The following GRAMD2B variants were observed in gnomAD, a reference collection of about 807,000 sequenced individuals.
GRAMD2B encodes GRAM domain containing 2B.
GRAMD2B carries 41 observed loss-of-function variants against 59.2 expected under a neutral mutation model. The observed-to-expected ratio is 0.69, with a 90% CI of 0.54 to 0.90. The LOEUF (loss-of-function observed/expected upper bound fraction) is 0.90. GRAMD2B is among the 40% of genes least tolerant of loss of function. The pLI, the probability that GRAMD2B is intolerant of heterozygous loss-of-function variation, is 0.00. For synonymous variants in GRAMD2B, 161 were observed against 182.7 expected (o/e 0.88, Z 0.96); for missense variants, 424 against 500.5 (o/e 0.85, Z 1.46).
chr5:126,461,404 T>C (rs933377110), intron 1 of GRAMD2B, among the ~76,000 whole-genome samples: 24 of 152,244 alleles, frequency 1.6e-4, no homozygotes, highest in African/African-American at 5.8e-4. Flanking sequence ...AAATATTAGA[T>C]GGCTGATAGG....
At chr5:126,466,352 TC>T (rs1247232147) in intron 2 of GRAMD2B, 2 of 1,121,076 alleles carry the variant, frequency 1.8e-6, no homozygotes, top group Non-Finnish European at 2.7e-6. Flanking sequence ...TCTTAACTCC[TC>T]CCGAAATTTT....
chr5:126,403,569 T>C (rs13186142), intron 1 of GRAMD2B, among the ~76,000 whole-genome samples: 106,201 of 151,704 alleles, frequency 0.7, 38,713 homozygotes, highest in Non-Finnish European at 0.8. Flanking sequence ...AACCATCCTT[T>C]ACAAAGTTTA....
chr5:126,419,879 A>G (rs923371933), upstream of GRAMD2B, among the ~76,000 whole-genome samples: 22 of 151,728 alleles, frequency 1.4e-4, no homozygotes, highest in Non-Finnish European at 3.1e-4. Flanking sequence ...ATATGGTGAA[A>G]CCCCGTCTCC....
chr5:126,391,761 G>A (rs888468701), intron 1 of GRAMD2B, among the ~76,000 whole-genome samples: 2 of 152,168 alleles, frequency 1.3e-5, no homozygotes, highest in African/African-American at 4.8e-5. Context: ...GGAATGATGG[G>A]GATTGATTAC....
intron 11 of GRAMD2B, 71 bp from the exon 12 acceptor site, chr5:126,486,802 A>C: frequency 1.1e-6 from 1 of 892,712 alleles, no homozygotes. Flanking sequence ...CCACATTGGC[A>C]CTGAGTTGTT....
intron 8 of GRAMD2B, 157 bp downstream of exon 8, chr5:126,480,864 G>A: frequency 1.7e-5 from 11 of 636,280 alleles, no homozygotes. Context: ...TGAAGAAGAG[G>A]AAACCATAGT....
chr5:126,372,618 A>G (rs1186974852), intron 1 of GRAMD2B, among the ~76,000 whole-genome samples: 2 of 152,176 alleles, frequency 1.3e-5, no homozygotes, highest in Non-Finnish European at 2.9e-5. Flanking sequence ...TTTGTAATAT[A>G]TCTATTTTCA....
At chr5:126,360,146 G>A (rs1279529465) in exon 1 of GRAMD2B, 42 of 593,132 alleles carry the variant, frequency 7.1e-5, no homozygotes, top group Non-Finnish European at 7.8e-5. Flanking sequence ...ACACATGTGG[G>A]TTTCAAGTGC....
chr5:126,394,249 C>T (rs28411948), intron 1 of GRAMD2B, among the ~76,000 whole-genome samples: 125,447 of 150,432 alleles, frequency 0.83, 52,473 homozygotes, highest in Non-Finnish European at 0.87. Flanking sequence ...CAGTCCAGCC[C>T]GGACGACACA....
intron 1 of GRAMD2B, among the ~76,000 whole-genome samples, chr5:126,361,500 A>C (rs1754221477): frequency 6.6e-6 from 1 of 151,938 alleles, no homozygotes. Context: ...AAAAAAAAAA[A>C]AAAAAAAAAT....
At chr5:126,368,790 A>T (rs1754587763), upstream of GRAMD2B, among the ~76,000 whole-genome samples, 1 of 152,216 alleles carries the variant, frequency 6.6e-6, no homozygotes, top group Admixed American at 6.5e-5. Flanking sequence ...ATCTTACATA[A>T]GAGTTCAGCC....
At chr5:126,491,710 T>C (rs1773969248) in intron 13 of GRAMD2B, among the ~76,000 whole-genome samples, 1 of 152,162 alleles carries the variant, frequency 6.6e-6, no homozygotes, top group Admixed American at 6.5e-5. Flanking sequence ...GAGAATTCCT[T>C]GCTCTGAATT....
intron 1 of GRAMD2B, among the ~76,000 whole-genome samples, chr5:126,443,189 AG>A (rs1013802032): frequency 2.6e-5 from 4 of 152,154 alleles, no homozygotes; most frequent in African/African-American, 9.7e-5. Context: ...GGTGGGTATA[AG>A]ATTTAAGTTT....
At chr5:126,401,234 C>G (rs958533295) in intron 1 of GRAMD2B, among the ~76,000 whole-genome samples, 4 of 151,874 alleles carry the variant, frequency 2.6e-5, no homozygotes, top group Admixed American at 1.3e-4. Context: ...TGCTTAAGCT[C>G]TCTATTGAAT....
At chr5:126,476,161 T>C (rs1374523101) in intron 5 of GRAMD2B, among the ~76,000 whole-genome samples, 1 of 152,136 alleles carries the variant, frequency 6.6e-6, no homozygotes, top group Non-Finnish European at 1.5e-5. Context: ...TAATCCCAGC[T>C]ACTCAGGAGG....
intron 1 of GRAMD2B, among the ~76,000 whole-genome samples, chr5:126,414,950 T>C (rs541977857): frequency 3.9e-5 from 6 of 152,178 alleles, no homozygotes; most frequent in Non-Finnish European, 7.3e-5. Flanking sequence ...CTACCCCATT[T>C]CTGTAGTTTG....
chr5:126,488,328 T>C (rs1773337152), intron 12 of GRAMD2B, among the ~76,000 whole-genome samples: 1 of 152,116 alleles, frequency 6.6e-6, no homozygotes, highest in Admixed American at 6.6e-5. Context: ...GTATGATAAA[T>C]CTCAAAGAAG....
chr5:126,408,264 C>T (rs906621022), intron 1 of GRAMD2B, among the ~76,000 whole-genome samples: 7 of 152,034 alleles, frequency 4.6e-5, no homozygotes, highest in Non-Finnish European at 7.4e-5. Context: ...ATTCGTGTTG[C>T]TGCAAAGGAC....
At chr5:126,427,316 CT>C (rs1298937819) in intron 1 of GRAMD2B, among the ~76,000 whole-genome samples, 3 of 152,192 alleles carry the variant, frequency 2.0e-5, no homozygotes, top group African/African-American at 7.2e-5. Flanking sequence ...CTTAAAGTTT[CT>C]TCTGGATCTC....
Sources: allele counts gnomAD v4.1 joint callset (sites outside exome capture counted in the v4.1 genomes callset), GRCh38; gene constraint gnomAD v4.1.1; transcripts MANE v1.5; gene names NCBI Gene and HGNC (gene_info 2026-07-23, HGNC 2026-07-21).